Variants in KATNAL1 observed in about 807,000 individuals in gnomAD.
The protein encoded by KATNAL1 is katanin catalytic subunit A1 like 1.
KATNAL1 carries 32 observed loss-of-function variants against 55.2 expected under a neutral mutation model. That is an observed-to-expected ratio of 0.58 (90% CI 0.44 to 0.78). The LOEUF (loss-of-function observed/expected upper bound fraction) is 0.78, where lower values mean the gene tolerates loss of function less well. Ranked by LOEUF, KATNAL1 falls within the 30% of genes least tolerant of loss-of-function variation. The pLI is 0.00. For synonymous variants in KATNAL1, 193 were observed against 193.6 expected (o/e 1.00, Z 0.02); for missense variants, 466 against 600.9 (o/e 0.78, Z 2.35).
chr13:30,285,329 C>T (rs1254782907), intron 1 of KATNAL1, among the ~76,000 whole-genome samples: 5 of 145,936 alleles, frequency 3.4e-5, no homozygotes. Flanking sequence ...ATAATCACCA[C>T]GTGTCAAGGG....
intron 9 of KATNAL1, among the ~76,000 whole-genome samples, chr13:30,213,452 C>T (rs1255740264): frequency 7.9e-5 from 12 of 151,550 alleles, no homozygotes; most frequent in Non-Finnish European, 7.4e-5. Context: ...ATACCAAAGC[C>T]GGGCAGAGAC....
chr13:30,220,803 G>C (rs1874776084), intron 9 of KATNAL1, among the ~76,000 whole-genome samples: 1 of 151,838 alleles, frequency 6.6e-6, no homozygotes, highest in Non-Finnish European at 1.5e-5. Flanking sequence ...GGTTCAAGTT[G>C]ATTCTCCTGC....
intron 3 of KATNAL1, among the ~76,000 whole-genome samples, chr13:30,269,101 C>T (rs1880018195): frequency 6.6e-6 from 1 of 152,104 alleles, no homozygotes; most frequent in Non-Finnish European, 1.5e-5. Context: ...CTCTCTCTCC[C>T]TCTCTTTCCA....
At chr13:30,297,412 C>G (rs534777542) in intron 1 of KATNAL1, among the ~76,000 whole-genome samples, 69 of 152,070 alleles carry the variant, frequency 4.5e-4, no homozygotes, top group Non-Finnish European at 9.8e-4. Context: ...AAGGCTGCAG[C>G]GAAAAGGGAA....
intron 4 of KATNAL1, among the ~76,000 whole-genome samples, chr13:30,254,965 T>G (rs1878652696): frequency 6.6e-6 from 1 of 152,122 alleles, no homozygotes; most frequent in South Asian, 2.1e-4. Context: ...CAATGAACCC[T>G]AAGCAAGGGG....
At chr13:30,260,051 G>C (rs1158047064) in intron 3 of KATNAL1, among the ~76,000 whole-genome samples, 1 of 152,224 alleles carries the variant, frequency 6.6e-6, no homozygotes, top group Non-Finnish European at 1.5e-5. Flanking sequence ...GCCTCCTCAA[G>C]TGGGTCCCTG....
At chr13:30,297,632 T>C (rs929540288) in intron 1 of KATNAL1, among the ~76,000 whole-genome samples, 46 of 152,040 alleles carry the variant, frequency 3.0e-4, no homozygotes, top group African/African-American at 1.1e-3. Flanking sequence ...CCATCAACAG[T>C]GGATTGGATA....
intron 3 of KATNAL1, among the ~76,000 whole-genome samples, chr13:30,263,846 G>T (rs1021500608): frequency 6.9e-6 from 1 of 145,076 alleles, no homozygotes; most frequent in Admixed American, 7.0e-5. Context: ...AGCTACCAAT[G>T]ACTTTCTTCA....
At chr13:30,238,058 G>A (rs1332542201) in intron 6 of KATNAL1, among the ~76,000 whole-genome samples, 4 of 151,924 alleles carry the variant, frequency 2.6e-5, no homozygotes, top group African/African-American at 7.3e-5. Context: ...TTTGCCTCCC[G>A]TCTTTCTGTG....
chr13:30,296,978 G>A (rs1198220760), intron 1 of KATNAL1, among the ~76,000 whole-genome samples: 2 of 151,672 alleles, frequency 1.3e-5, no homozygotes, highest in South Asian at 4.2e-4. Context: ...GACCAATAAA[G>A]TATTAGGGAC....
At position 30,208,578 on chromosome 13, in the gene KATNAL1, T is replaced by C; in HGVS notation, c.1435A>G (p.Lys479Glu). Residue 479 changes from lysine (K) to glutamate (E), a missense_variant, in exon 11 of 11, where the codon AAG (lysine) becomes GAG (glutamate). Physicochemically the swap from Lys to Glu is moderately conservative, Grantham distance 56. This residue lies in a region of KATNAL1 where 213 missense variants were observed against 308.6 expected (regional missense o/e 0.69). Coordinates refer to ENST00000380615, the MANE Select transcript of KATNAL1 (RefSeq NM_032116.5). ...AATTCAACCATCCATTTTTCATACT[T>C]CTCCAAGTCTGCAGCAGAGACAGAC... Reference protein sequence around the residue: ...AKSVSAADLEKYEKWMVEFGS... With the variant: ...AKSVSAADLEEYEKWMVEFGS... 1 of 1,607,622 alleles carries C rather than the reference T, an allele frequency of 6.2e-7. No individual in the cohort carries two copies. The highest frequency in any genetic ancestry group is 1.1e-5 in the South Asian group (1 of 89,164).
intron 3 of KATNAL1, among the ~76,000 whole-genome samples, chr13:30,274,023 T>C (rs1043391025): frequency 6.6e-6 from 1 of 152,190 alleles, no homozygotes; most frequent in Non-Finnish European, 1.5e-5. Flanking sequence ...TCCCACCGTA[T>C]GTGGGACGGC....
chr13:30,262,475 G>A (rs1879386945), intron 3 of KATNAL1, among the ~76,000 whole-genome samples: 1 of 152,122 alleles, frequency 6.6e-6, no homozygotes, highest in Non-Finnish European at 1.5e-5. Flanking sequence ...CCGCTAGCAA[G>A]ACTGATAAAG....
rs181828041 is a variant in KATNAL1, at chr13:30,231,304, C to T, written c.885+10G>A. 13 of 1,599,094 alleles carry T rather than the reference C, an allele frequency of 8.1e-6. No individual in the cohort carries two copies. In the East Asian group the frequency reaches 1.6e-4, roughly 19 times the overall value. On this transcript the variant is annotated intron_variant, in intron 7 of 10. Transcript: ENST00000380615. ...ACACTACTTTGAAATCTGAATATAT[C>T]GTCACTCACCATCTCAAACAACAGA...
At chr13:30,297,480 G>A (rs1193073124) in intron 1 of KATNAL1, among the ~76,000 whole-genome samples, 2 of 152,126 alleles carry the variant, frequency 1.3e-5, no homozygotes, top group Non-Finnish European at 2.9e-5. Flanking sequence ...AACTTAAAAC[G>A]GAACTACCAT....
chr13:30,248,567 G>A (rs893571516), intron 4 of KATNAL1, among the ~76,000 whole-genome samples: 14 of 152,170 alleles, frequency 9.2e-5, no homozygotes, highest in African/African-American at 3.4e-4. Flanking sequence ...TAAATTATCA[G>A]GTAAATACAC....
At chr13:30,244,931 C>T (rs1877636433) in intron 4 of KATNAL1, among the ~76,000 whole-genome samples, 1 of 151,792 alleles carries the variant, frequency 6.6e-6, no homozygotes, top group Non-Finnish European at 1.5e-5. Context: ...AAAAAAAAGC[C>T]CAGGACCAGA....
At chr13:30,242,516 T>A (rs1032141812) in intron 4 of KATNAL1, among the ~76,000 whole-genome samples, 1 of 152,070 alleles carries the variant, frequency 6.6e-6, no homozygotes, top group East Asian at 1.9e-4. Flanking sequence ...GAGTAACAAG[T>A]AAATAAAGCA....
intron 4 of KATNAL1, among the ~76,000 whole-genome samples, chr13:30,245,182 A>C (rs1010069328): frequency 6.6e-6 from 1 of 152,216 alleles, no homozygotes; most frequent in Non-Finnish European, 1.5e-5. Flanking sequence ...CGAATCCAGC[A>C]GCACATCAAA....
Sources: allele counts gnomAD v4.1 joint callset (sites outside exome capture counted in the v4.1 genomes callset), GRCh38; gene constraint gnomAD v4.1.1; regional missense constraint gnomAD v4.1.1; transcripts MANE v1.5; gene names NCBI Gene and HGNC (gene_info 2026-07-23, HGNC 2026-07-21).